The following CLIC2 variants were observed in gnomAD, a reference collection of about 807,000 sequenced individuals.
CLIC2 encodes chloride intracellular channel protein 2.
Under a neutral mutation model 14.8 loss-of-function variants are expected in CLIC2, and 9 were observed. The observed-to-expected ratio is 0.61, with a 90% CI of 0.37 to 1.06. CLIC2 has a LOEUF of 1.06. Ranked by LOEUF, CLIC2 falls within the 50% of genes least tolerant of loss-of-function variation. The pLI is 0.01. For synonymous variants in CLIC2, 61 were observed against 66.3 expected (o/e 0.92, Z 0.39); for missense variants, 148 against 181.4 (o/e 0.82, Z 1.06).
At chrX:155,309,381 T>C (rs1192197395) in intron 1 of CLIC2, among the ~76,000 whole-genome samples, 1 of 111,828 alleles carries the variant, frequency 8.9e-6, no homozygotes, top group Non-Finnish European at 1.9e-5. Flanking sequence ...GAGAAAATAC[T>C]TCTAATATCA....
At chrX:155,329,451 T>C (rs2075149205) in intron 1 of CLIC2, among the ~76,000 whole-genome samples, 1 of 105,987 alleles carries the variant, frequency 9.4e-6, no homozygotes, top group Non-Finnish European at 2.0e-5. Flanking sequence ...AAATGCGGTT[T>C]TGCCATTACT....
intron 1 of CLIC2, chrX:155,309,564 G>T: frequency 3.5e-6 from 1 of 285,671 alleles, no homozygotes; most frequent in Non-Finnish European, 6.6e-6. Context: ...GAGGTTTAAT[G>T]GACTCACAGT....
chrX:155,305,186 C>A (rs1178383947), intron 1 of CLIC2, among the ~76,000 whole-genome samples: 2 of 112,137 alleles, frequency 1.8e-5, no homozygotes, highest in Admixed American at 9.4e-5. Context: ...AGCCTCGCTG[C>A]CACCTTGCAG....
In CLIC2 at chrX:155,276,831, A is replaced by G. The variant is rs1557315816; in HGVS notation, c.*1072T>C. ...TACACTATACATTTATCTTGACTCTATGGTTTTCAAGGACAGTACTTTGAG... is the reference window on the plus strand; with the variant it reads ...TACACTATACATTTATCTTGACTCTGTGGTTTTCAAGGACAGTACTTTGAG... On this transcript the variant is annotated 3_prime_UTR_variant, in exon 6 of 6. Transcript: ENST00000369449. 1 of 112,276 alleles carries G rather than the reference A, an allele frequency of 8.9e-6. No individual in the cohort carries two copies. The highest frequency in any genetic ancestry group is 3.2e-5 in the African/African-American group (1 of 30,977). 9.3% of individuals were successfully genotyped at this position (112,276 alleles called of 1,213,427 possible). A position where few individuals can be genotyped will look rare whatever the true frequency, so the allele number is the denominator to read the frequency against.
intron 3 of CLIC2, among the ~76,000 whole-genome samples, chrX:155,281,194 AG>A (rs2074917952): frequency 9.2e-6 from 1 of 108,646 alleles, no homozygotes; most frequent in Non-Finnish European, 1.9e-5. Flanking sequence ...AGAATAGAGC[AG>A]TGATTACCGG....
intron 1 of CLIC2, among the ~76,000 whole-genome samples, chrX:155,331,381 G>T (rs782438484): frequency 1.9e-4 from 21 of 111,322 alleles, no homozygotes; most frequent in Non-Finnish European, 3.6e-4. Context: ...AAATTCGCTA[G>T]CCTGATTGAT....
chrX:155,334,544 G>A lies in CLIC2; in HGVS notation c.-117C>T, dbSNP rs1011697708. 9.4e-6 allele frequency: 6 copies of A among 640,931 alleles called. No individual in the cohort carries two copies. Among genetic ancestry groups the A allele is most frequent in the African/African-American group, 8.7e-5 (4 of 45,815 alleles). 52.8% of individuals were successfully genotyped at this position (640,931 alleles called of 1,213,427 possible). A position where few individuals can be genotyped will look rare whatever the true frequency, so the allele number is the denominator to read the frequency against. ...GTAATGTTGGTGCTTTAAGAAGACCGTCTAGCTTGTAGTGGACTGAGTCAG... is the reference window on the plus strand; with the variant it reads ...GTAATGTTGGTGCTTTAAGAAGACCATCTAGCTTGTAGTGGACTGAGTCAG... On this transcript the variant is annotated 5_prime_UTR_variant, in exon 1 of 6. The change creates a new upstream start codon in the 5' untranslated region. Coordinates refer to ENST00000369449, the MANE Select transcript of CLIC2 (RefSeq NM_001289.6).
chrX:155,333,691 G>C (rs2075164534), intron 1 of CLIC2, among the ~76,000 whole-genome samples: 1 of 107,943 alleles, frequency 9.3e-6, no homozygotes, highest in Non-Finnish European at 1.9e-5. Context: ...TCTTGATTTA[G>C]GGGTTTTCCA....
chrX:155,291,384 G>A (rs1337065892), intron 3 of CLIC2: 3 of 622,809 alleles, frequency 4.8e-6, no homozygotes, highest in Admixed American at 4.6e-5. Context: ...ACGTGGCGGC[G>A]GCCACTAGCT....
At chrX:155,327,769 A>G (rs2075143552) in intron 1 of CLIC2, among the ~76,000 whole-genome samples, 1 of 111,595 alleles carries the variant, frequency 9.0e-6, no homozygotes, top group Admixed American at 9.5e-5. Context: ...GTACCCCTGT[A>G]CTTAAAAGTG....
At chrX:155,307,989 A>G (rs1408178534) in intron 1 of CLIC2, among the ~76,000 whole-genome samples, 1 of 110,864 alleles carries the variant, frequency 9.0e-6, no homozygotes, top group African/African-American at 3.3e-5. Context: ...ATAAATACCT[A>G]ACTCTTTAAT....
chrX:155,318,575 A>T, intron 1 of CLIC2, among the ~76,000 whole-genome samples: 2 of 112,236 alleles, frequency 1.8e-5, no homozygotes, highest in Non-Finnish European at 3.8e-5. Context: ...GACACAAACA[A>T]ATGGAAATAC....
intron 3 of CLIC2, among the ~76,000 whole-genome samples, chrX:155,289,454 G>C (rs2074954802): frequency 9.0e-6 from 1 of 111,495 alleles, no homozygotes; most frequent in Non-Finnish European, 1.9e-5. Flanking sequence ...AGATTATTAA[G>C]GTGTTTATCT....
rs187411345 is a variant in CLIC2 at position 155,322,470 on chromosome X, G to A, written c.57+11901C>T. 5.6e-3 allele frequency among the ~76,000 whole-genome samples: 628 copies of A among 111,790 alleles called. 4 individuals are homozygous for A. Among genetic ancestry groups the A allele is most frequent in the African/African-American group, 0.019 (596 of 30,794 alleles). ...CCTGAATGACTACTGGGTAAACAACGACATTAAGGCAGAAATAAAGTTCTT... is the reference window on the plus strand; with the variant it reads ...CCTGAATGACTACTGGGTAAACAACAACATTAAGGCAGAAATAAAGTTCTT... On this transcript the variant is annotated intron_variant, in intron 1 of 5. Transcript: ENST00000369449.
chrX:155,330,423 C>A (rs886257736), intron 1 of CLIC2, among the ~76,000 whole-genome samples: 2 of 110,601 alleles, frequency 1.8e-5, no homozygotes, highest in African/African-American at 6.6e-5. Context: ...TAAATAAGGA[C>A]ATGAAAAGAT....
intron 3 of CLIC2, among the ~76,000 whole-genome samples, chrX:155,285,261 G>C (rs2074937574): frequency 8.9e-6 from 1 of 112,178 alleles, no homozygotes; most frequent in Non-Finnish European, 1.9e-5. Context: ...TCAAGTCATG[G>C]TAACTATTAT....
At chrX:155,317,636 A>G (rs2075099768) in intron 1 of CLIC2, among the ~76,000 whole-genome samples, 2 of 111,993 alleles carry the variant, frequency 1.8e-5, no homozygotes, top group Non-Finnish European at 3.8e-5. Context: ...CTGGCATTCA[A>G]AGAAGAATTG....
chrX:155,328,901 T>C (rs782507694), intron 1 of CLIC2, among the ~76,000 whole-genome samples: 4 of 110,900 alleles, frequency 3.6e-5, no homozygotes, highest in East Asian at 2.8e-4. Flanking sequence ...TGGATATCCA[T>C]ATGCAAAAGA....
chrX:155,322,663 C>A (rs1189814312), intron 1 of CLIC2, among the ~76,000 whole-genome samples: 5 of 111,270 alleles, frequency 4.5e-5, no homozygotes, highest in Non-Finnish European at 9.4e-5. Flanking sequence ...CAAGAGCAAA[C>A]AAATTCAAAA....
Sources: gnomAD v4.1 joint callset for allele counts (sites outside exome capture counted in the v4.1 genomes callset) on GRCh38, gnomAD v4.1.1 for gene constraint, MANE v1.5 for transcripts, NCBI Gene and HGNC (gene_info 2026-07-23, HGNC 2026-07-21) for gene names.